Variants in TENM3 observed in about 807,000 individuals in gnomAD.
TENM3 encodes the protein teneurin-3.
Under a neutral mutation model 255.1 loss-of-function variants are expected in TENM3, and 63 were observed. The observed-to-expected ratio is 0.25, with a 90% CI of 0.20 to 0.30. The LOEUF is 0.30. Ranked by LOEUF, TENM3 falls within the 10% of genes least tolerant of loss-of-function variation. The probability of loss-of-function intolerance (pLI) is 1.00; values close to 1 mark genes in which losing one functional copy is unlikely to be tolerated. For missense variants in TENM3, 2,929 were observed against 3,461.1 expected (o/e 0.85, Z 3.86); for synonymous variants, 1,306 against 1,322.3 (o/e 0.99, Z 0.27).
At chr4:182,712,639 GA>G (rs1310687589) in intron 12 of TENM3, among the ~76,000 whole-genome samples, 1 of 152,068 alleles carries the variant, frequency 6.6e-6, no homozygotes, top group Non-Finnish European at 1.5e-5. Flanking sequence ...CTAATCTTAA[GA>G]GACAGAATGT....
At chr4:182,214,365 C>T (rs1423288649) in intron 1 of TENM3, among the ~76,000 whole-genome samples, 4 of 152,038 alleles carry the variant, frequency 2.6e-5, no homozygotes, top group Non-Finnish European at 5.9e-5. Context: ...TCAGTGATAT[C>T]CTTGGAAATC....
At chr4:181,911,405 A>G in the TENM3 span, among the ~76,000 whole-genome samples, 2 of 152,232 alleles carry the variant, frequency 1.3e-5, no homozygotes, top group Non-Finnish European at 2.9e-5. Flanking sequence ...TTGGAGTTAC[A>G]ATAAAGCCAA....
chr4:182,400,435 C>A (rs1316744830), intron 3 of TENM3, among the ~76,000 whole-genome samples: 1 of 152,152 alleles, frequency 6.6e-6, no homozygotes, highest in Non-Finnish European at 1.5e-5. Context: ...CATTACATGA[C>A]ATTTTTCTGT....
rs373108450 is a variant in TENM3, at chr4:182,628,672, A to T, written c.771A>T (p.Gly257=). ...LESRHFLFKT[G]TGTTPLFSTA... is the part of the protein sequence containing the mutation. ...ACAGGCATTTCCTATTCAAAACAGGAACAGGTACAACGCCACTGTTCAGTA... is the reference window on the plus strand; with the variant it reads ...ACAGGCATTTCCTATTCAAAACAGGTACAGGTACAACGCCACTGTTCAGTA... Residue 257 remains glycine, a synonymous_variant, in exon 5 of 28, where the codon GGA becomes GGT. Coordinates refer to ENST00000511685, the MANE Select transcript of TENM3 (RefSeq NM_001080477.4). The T allele has an allele frequency of 3.8e-6, 6 of 1,595,048 alleles. No homozygotes were observed. Among genetic ancestry groups the T allele is most frequent in the Non-Finnish European group, 5.1e-6 (6 of 1,170,074 alleles).
At position 182,243,402 on chromosome 4, in the gene TENM3, A is replaced by G. The variant is rs530956429; in HGVS notation, c.-150A>G. On this transcript the variant is annotated 5_prime_UTR_variant, in exon 1 of 28. Transcript: ENST00000511685. ...AGTGCTGTGATTACAGGCATGAGCC[A>G]TCGCACCTGGCCATGAAGGCTTTTA... 2 of 152,646 alleles carry G rather than the reference A, an allele frequency of 1.3e-5. No individual in the cohort carries two copies. The highest frequency in any genetic ancestry group is 4.8e-5 in the African/African-American group (2 of 41,598). 9.5% of individuals were successfully genotyped at this position (152,646 alleles called of 1,614,324 possible). A position where few individuals can be genotyped will look rare whatever the true frequency, so the allele number is the denominator to read the frequency against.
At chr4:181,995,755 T>C in the TENM3 span, among the ~76,000 whole-genome samples, 1 of 152,194 alleles carries the variant, frequency 6.6e-6, no homozygotes, top group South Asian at 2.1e-4. Context: ...ATGAGACAGA[T>C]ACCATAATTA....
At chr4:181,466,547 A>G in the TENM3 span, among the ~76,000 whole-genome samples, 1 of 152,172 alleles carries the variant, frequency 6.6e-6, no homozygotes, top group East Asian at 1.9e-4. Context: ...ATCCATTATT[A>G]TAATATAAGA....
At chr4:182,562,392 T>C (rs1284710708) in intron 3 of TENM3, among the ~76,000 whole-genome samples, 1 of 152,194 alleles carries the variant, frequency 6.6e-6, no homozygotes, top group Non-Finnish European at 1.5e-5. Context: ...CTACCCACAA[T>C]TATTTTTTAG....
chr4:182,648,423 A>G (rs1446941384), intron 5 of TENM3, among the ~76,000 whole-genome samples: 1 of 151,688 alleles, frequency 6.6e-6, no homozygotes, highest in East Asian at 2.0e-4. Flanking sequence ...AACTGGGATT[A>G]CAGGCGCCTG....
the TENM3 span, among the ~76,000 whole-genome samples, chr4:181,526,599 C>G: frequency 6.6e-6 from 1 of 152,096 alleles, no homozygotes; most frequent in African/African-American, 2.4e-5. Context: ...GTCCTTTGCA[C>G]TCTTCGAGGG....
chr4:182,116,735 T>G, the TENM3 span, among the ~76,000 whole-genome samples: 1 of 152,234 alleles, frequency 6.6e-6, no homozygotes, highest in East Asian at 1.9e-4. Flanking sequence ...CTTGGCCAGA[T>G]AGGTCATTTG....
chr4:182,233,858 C>G (rs1208427356), intron 1 of TENM3, among the ~76,000 whole-genome samples: 1 of 152,244 alleles, frequency 6.6e-6, no homozygotes, highest in African/African-American at 2.4e-5. Flanking sequence ...AGAAATCCCT[C>G]GGATTCTCTT....
intron 1 of TENM3, among the ~76,000 whole-genome samples, chr4:182,272,117 G>A (rs969072207): frequency 6.6e-6 from 1 of 152,160 alleles, no homozygotes; most frequent in African/African-American, 2.4e-5. Context: ...ACATGAGTTC[G>A]AGGTATAGAT....
chr4:182,791,477 A>G (rs978662339), intron 25 of TENM3, among the ~76,000 whole-genome samples: 19 of 152,318 alleles, frequency 1.2e-4, no homozygotes, highest in Non-Finnish European at 2.4e-4. Context: ...GGCTCATGAA[A>G]TAGAGTTCAC....
At chr4:182,196,524 C>T (rs1753842667) in intron 1 of TENM3, among the ~76,000 whole-genome samples, 1 of 151,992 alleles carries the variant, frequency 6.6e-6, no homozygotes, top group Non-Finnish European at 1.5e-5. Context: ...TAAGCCTGGC[C>T]CTGGACACCA....
At chr4:181,584,877 A>T in the TENM3 span, among the ~76,000 whole-genome samples, 1 of 152,226 alleles carries the variant, frequency 6.6e-6, no homozygotes, top group African/African-American at 2.4e-5. Context: ...CAAAGGCATA[A>T]ATAATAGGTC....
chr4:182,297,641 T>G (rs1267916843), intron 1 of TENM3, among the ~76,000 whole-genome samples: 1 of 152,232 alleles, frequency 6.6e-6, no homozygotes, highest in Non-Finnish European at 1.5e-5. Context: ...AACCCTATAC[T>G]AAGAATAGCT....
chr4:182,467,294 G>A (rs1732688572), intron 3 of TENM3, among the ~76,000 whole-genome samples: 1 of 122,984 alleles, frequency 8.1e-6, no homozygotes, highest in Non-Finnish European at 1.9e-5. Context: ...TAATGTAAAA[G>A]AGAAATGATA....
chr4:182,397,966 C>G (rs967732291), intron 3 of TENM3, among the ~76,000 whole-genome samples: 2 of 152,090 alleles, frequency 1.3e-5, no homozygotes, highest in Non-Finnish European at 2.9e-5. Flanking sequence ...TGTGGCCCCT[C>G]CATGTGGCAG....
Sources: gnomAD v4.1 joint callset for allele counts (sites outside exome capture counted in the v4.1 genomes callset) on GRCh38, gnomAD v4.1.1 for gene constraint, MANE v1.5 for transcripts, NCBI Gene and HGNC (gene_info 2026-07-23, HGNC 2026-07-21) for gene names.